Variants in KCTD1 observed in about 807,000 individuals in gnomAD.
The protein encoded by KCTD1 is BTB/POZ domain-containing protein KCTD1.
A neutral mutation model predicts 66.0 loss-of-function variants in KCTD1; 24 were observed. That is an observed-to-expected ratio of 0.36 (90% CI 0.26 to 0.51). The LOEUF (loss-of-function observed/expected upper bound fraction) is 0.51, where lower values mean the gene tolerates loss of function less well. KCTD1 is among the 20% of genes least tolerant of loss of function. KCTD1 has a pLI of 0.95. For missense variants in KCTD1, 943 were observed against 1,205.2 expected, an observed-to-expected ratio of 0.78 and a Z score of 3.22; for synonymous variants, 511 against 517.2, an observed-to-expected ratio of 0.99 and a Z score of 0.16.
Position 26,547,358 on chromosome 18 carries a change from C to T in KCTD1, c.1179G>A (p.Lys393=), listed in dbSNP as rs1045462972. 1.3e-6 allele frequency: 2 copies of T among 1,551,484 alleles called. No homozygotes were observed. The highest frequency in any genetic ancestry group is 2.7e-5 in the African/African-American group (2 of 73,164). The change falls in exon 1 of 5, where the codon AAG becomes AAA. Residue 393 remains lysine (K), a synonymous_variant. Coordinates refer to ENST00000580059, the MANE Select transcript of KCTD1 (RefSeq NM_001142730.3). The part of the protein sequence containing the change: ...TEFCPYASFV[K]YLSKRNPLCK... ...AGAGAGGGTTGCGTTTCGACAGGTA[C>T]TTGACGAAGCTGGCGTAGGGGCAGA...
At chr18:26,602,381 G>T (rs1173798160) in intron 1 of KCTD1, among the ~76,000 whole-genome samples, 4 of 152,152 alleles carry the variant, frequency 2.6e-5, no homozygotes, top group Non-Finnish European at 5.9e-5. Flanking sequence ...ATATTTATAA[G>T]AAATGTGGGT....
At chr18:26,630,776 C>A (rs569274257), upstream of KCTD1, among the ~76,000 whole-genome samples, 6 of 152,182 alleles carry the variant, frequency 3.9e-5, no homozygotes, top group Admixed American at 3.9e-4. Flanking sequence ...TTTCATGGAA[C>A]GCCATTGTTA....
chr18:26,585,477 T>C (rs1170126907), intron 1 of KCTD1, among the ~76,000 whole-genome samples: 1 of 152,202 alleles, frequency 6.6e-6, no homozygotes, highest in Non-Finnish European at 1.5e-5. Flanking sequence ...TGTTCATTTT[T>C]TAATGAGAGG....
chr18:26,589,617 G>C (rs773535641), intron 1 of KCTD1, among the ~76,000 whole-genome samples: 1 of 152,130 alleles, frequency 6.6e-6, no homozygotes, highest in African/African-American at 2.4e-5. Context: ...TACTATCAAT[G>C]GCCTAGCCGT....
At chr18:26,634,481 G>A (rs1055731638) in intron 1 of KCTD1, among the ~76,000 whole-genome samples, 5 of 152,022 alleles carry the variant, frequency 3.3e-5, no homozygotes, top group African/African-American at 1.2e-4. Context: ...AATACATATC[G>A]GGCATGTTAG....
chr18:26,494,361 A>C (rs1982358761), intron 2 of KCTD1, among the ~76,000 whole-genome samples: 1 of 152,194 alleles, frequency 6.6e-6, no homozygotes, highest in Non-Finnish European at 1.5e-5. Flanking sequence ...ACAGAGCAAG[A>C]CCCTGTCTCA....
chr18:26,585,308 T>C (rs903285511), intron 1 of KCTD1, among the ~76,000 whole-genome samples: 2 of 152,214 alleles, frequency 1.3e-5, no homozygotes, highest in Admixed American at 6.5e-5. Context: ...ATATTGGTAA[T>C]ATACTTAAGG....
chr18:26,476,629 G>A lies in KCTD1; in HGVS notation c.2019C>T (p.Pro673=), dbSNP rs756908872. 1.9e-6 allele frequency: 3 copies of A among 1,613,456 alleles called. No individual in the cohort carries two copies. Among genetic ancestry groups the A allele is most frequent in the Non-Finnish European group, 2.5e-6 (3 of 1,179,726 alleles). Residue 673 remains proline (P), a synonymous_variant, in exon 3 of 5, where the codon CCC becomes CCT. Transcript: ENST00000580059. This position sits in a 1 kb window ranked among gnomAD's most constrained non-coding sequence, Gnocchi z 4.9. ...RIGRLFDGTE[P]IVLDSLKQHY... ...GCTGTTTGAGACTGTCCAAAACAAT[G>A]GGCTCTGTACCATCAAAAAGTCTTC...
At chr18:26,551,697 A>C (rs554055244), upstream of KCTD1, among the ~76,000 whole-genome samples, 1 of 152,230 alleles carries the variant, frequency 6.6e-6, no homozygotes, top group Admixed American at 6.5e-5. Flanking sequence ...ACAAAATTAC[A>C]GTGGAGTTCA....
rs1317925802 is a variant in KCTD1, at chr18:26,620,379, A to C, written c.-16+8768T>G. Among the ~76,000 whole-genome samples, 13 of 144,744 alleles carry C rather than the reference A, an allele frequency of 9.0e-5. 1 individual carries two copies. The highest frequency in any genetic ancestry group is 1.4e-4 in the Non-Finnish European group (9 of 65,602). The allele number at this position is 144,744 out of a possible 152,430, so 95.0% of individuals were successfully genotyped here. ...AAAAAAAAAAAAAAAAAAAAAAAAA[A>C]AAAAAACTATAACAAGTTAGTCTGA... On this transcript the variant is annotated intron_variant, in intron 1 of 4. Transcript: ENST00000317932.
chr18:26,500,223 C>T (rs901895246), intron 2 of KCTD1, among the ~76,000 whole-genome samples: 2 of 151,774 alleles, frequency 1.3e-5, no homozygotes, highest in Admixed American at 6.6e-5. Flanking sequence ...CAAGACCAGC[C>T]TAGGGAACAC....
At chr18:26,493,025 G>A (rs1334468099) in intron 2 of KCTD1, among the ~76,000 whole-genome samples, 1 of 152,136 alleles carries the variant, frequency 6.6e-6, no homozygotes, top group Admixed American at 6.5e-5. Flanking sequence ...TTTATACATT[G>A]AACAAACTTT....
intron 1 of KCTD1, among the ~76,000 whole-genome samples, chr18:26,524,260 AG>A (rs1984051593): frequency 6.6e-6 from 1 of 152,196 alleles, no homozygotes; most frequent in Non-Finnish European, 1.5e-5. Flanking sequence ...TTATGGGCCA[AG>A]GTGAAGGCGC....
chr18:26,498,453 A>T (rs1321912111), intron 2 of KCTD1, among the ~76,000 whole-genome samples: 1 of 149,970 alleles, frequency 6.7e-6, no homozygotes, highest in African/African-American at 2.5e-5. Flanking sequence ...AGCAAGACAC[A>T]TGTAATTTTA....
chr18:26,535,450 G>C (rs1421611819), intron 1 of KCTD1, among the ~76,000 whole-genome samples: 2 of 151,676 alleles, frequency 1.3e-5, no homozygotes, highest in African/African-American at 4.9e-5. Context: ...ATGGCTCCCG[G>C]GGGCTTGACT....
intron 1 of KCTD1, among the ~76,000 whole-genome samples, chr18:26,559,243 T>G (rs1281421788): frequency 6.6e-6 from 1 of 152,186 alleles, no homozygotes; most frequent in Non-Finnish European, 1.5e-5. Flanking sequence ...TTAAAATAAC[T>G]AAAAGAGTAT....
chr18:26,602,766 C>T (rs937801601), intron 1 of KCTD1, among the ~76,000 whole-genome samples: 1 of 152,202 alleles, frequency 6.6e-6, no homozygotes, highest in Non-Finnish European at 1.5e-5. Flanking sequence ...CTTAAGTTCT[C>T]CTTCCACAGC....
At chr18:26,646,741 C>G (rs994986583) in intron 1 of KCTD1, among the ~76,000 whole-genome samples, 3 of 152,124 alleles carry the variant, frequency 2.0e-5, no homozygotes, top group African/African-American at 7.2e-5. Context: ...ACCCCTTGAA[C>G]AATTATGCAT....
intron 1 of KCTD1, among the ~76,000 whole-genome samples, chr18:26,554,916 T>C (rs1985669680): frequency 6.6e-6 from 1 of 152,232 alleles, no homozygotes; most frequent in South Asian, 2.1e-4. Flanking sequence ...ATGTAAAGGT[T>C]GTCAAAGTTA....
Sources: allele counts gnomAD v4.1 joint callset (sites outside exome capture counted in the v4.1 genomes callset), GRCh38; gene constraint gnomAD v4.1.1; non-coding constraint Gnocchi (gnomAD v3.1); transcripts MANE v1.5; gene names NCBI Gene and HGNC (gene_info 2026-07-23, HGNC 2026-07-21).